AKAP9: variants seen among roughly 807,000 people sequenced by gnomAD.
The protein encoded by AKAP9 is A-kinase anchor protein 9.
Under a neutral mutation model 488.5 loss-of-function variants are expected in AKAP9, and 311 were observed. The ratio of observed to expected loss-of-function variants is 0.64; its 90% CI spans 0.58 to 0.70. The LOEUF (loss-of-function observed/expected upper bound fraction) is 0.70. Among genes scored for constraint, AKAP9 ranks in the 30% least tolerant of loss-of-function variants. AKAP9 has a pLI of 0.00. For missense variants in AKAP9, 4,215 were observed against 4,374.5 expected (o/e 0.96, Z 1.03); for synonymous variants, 1,462 against 1,483.5 (o/e 0.99, Z 0.33).
rs144184537 is a variant in AKAP9 at position 92,089,575 on chromosome 7, G to T, written c.9358+46G>T. ...ATATGGTTACACAAACAGGTGAAAA[G>T]ATTTCACTTTGTTTTCTTTCTTATT... is the stretch of plus-strand genomic sequence containing the variant. On this transcript the variant is annotated intron_variant, in intron 38 of 49. Coordinates refer to ENST00000356239, the MANE Select transcript of AKAP9 (RefSeq NM_005751.5). 27 of 1,588,812 alleles carry T rather than the reference G, an allele frequency of 1.7e-5. 2 individuals carry two copies. In the African/African-American group the frequency reaches 2.2e-4, roughly 13 times the overall value.
At chr7:92,082,898 G>T (rs1232896167) in intron 32 of AKAP9, among the ~76,000 whole-genome samples, 1 of 152,108 alleles carries the variant, frequency 6.6e-6, no homozygotes, top group Non-Finnish European at 1.5e-5. Flanking sequence ...TGTTAATGAA[G>T]GAGTAGAAAG....
At position 92,080,015 on chromosome 7, in the gene AKAP9, C is replaced by A; in HGVS notation, c.7882C>A (p.Gln2628Lys). The change falls in exon 31 of 50, where the codon CAA becomes AAA. Residue 2628 changes from glutamine to lysine, a missense_variant. By Grantham distance (53) the Gln-to-Lys change is moderately conservative (BLOSUM62 1). Transcript: ENST00000356239. ...TACTAGTTTGATTTTAGAAAAAGAA[C>A]AAGTAGAAATTGCAGAAAAAAATGT... ...MHTSLILEKE[Q>K]VEIAEKNVLE... is the part of the protein sequence containing the mutation. 6.4e-7 allele frequency: 1 copy of A among 1,559,582 alleles called. No individual in the cohort carries two copies. Among genetic ancestry groups the A allele is most frequent in the African/African-American group, 1.4e-5 (1 of 71,900 alleles).
In AKAP9 at chr7:92,062,374, A is replaced by C. The variant is rs751103441; in HGVS notation, c.5865A>C (p.Ala1955=). 6.2e-7 allele frequency: 1 copy of C among 1,613,978 alleles called. No homozygotes were observed. Among genetic ancestry groups the C allele is most frequent in the Admixed American group, 1.7e-5 (1 of 60,006 alleles). Residue 1955 remains alanine (A), a synonymous_variant, in exon 24 of 50, where the codon GCA becomes GCC. Coordinates refer to ENST00000356239, the MANE Select transcript of AKAP9 (RefSeq NM_005751.5). ...IDRLEQELLC[A]SNRLQELEAE... ...GTCTTGAGCAGGAGTTGTTATGTGC[A>C]AGTAACAGGTTGCAAGAATTGGAGG... is the stretch of plus-strand genomic sequence containing the variant.
intron 7 of AKAP9, among the ~76,000 whole-genome samples, chr7:91,998,588 C>T (rs987230704): frequency 1.3e-5 from 2 of 151,778 alleles, no homozygotes; most frequent in African/African-American, 4.8e-5. Flanking sequence ...AGGTGTTGGA[C>T]AATTTTGAAT....
intron 49 of AKAP9, chr7:92,109,049 G>GA (rs36114838): frequency 0.037 from 6,492 of 175,346 alleles, 48 homozygotes; most frequent in African/African-American, 0.071. Flanking sequence ...CTGTCTCAAA[G>GA]AAAAAAAAAA....
intron 4 of AKAP9, 147 bp downstream of exon 4, chr7:91,992,358 C>G (rs1797856169): frequency 4.1e-6 from 3 of 734,470 alleles, no homozygotes; most frequent in South Asian, 3.2e-5. Flanking sequence ...AGTTATCTAC[C>G]ATTTATTATA....
At position 92,096,724 on chromosome 7, in the gene AKAP9, G is replaced by T. The variant is rs1417887231; in HGVS notation, c.9765G>T (p.Arg3255Ser). 1.2e-6 allele frequency: 2 copies of T among 1,614,000 alleles called. No individual in the cohort carries two copies. Among genetic ancestry groups the T allele is most frequent in the Non-Finnish European group, 8.5e-7 (1 of 1,180,000 alleles). ...LKFSLESQKQ[R>S]NLQLNLLLEQ... is the part of the protein sequence containing the mutation. ...TTTCACTTGAGAGTCAGAAACAAAG[G>T]AATCTTCAGCTAAATCTACTTTTGG... is the stretch of plus-strand genomic sequence containing the variant. The change falls in exon 41 of 50, where the codon AGG (arginine) becomes AGT (serine). Residue 3255 changes from arginine to serine, a missense_variant. This residue lies in a region of AKAP9 where 1,476 missense variants were observed against 1,477.4 expected (regional missense o/e 1.00). Transcript: ENST00000356239.
At chr7:92,091,585 CAAAAAAAAAAAACA>C (rs1474807887) in intron 38 of AKAP9, among the ~76,000 whole-genome samples, 5 of 22,084 alleles carry the variant, frequency 2.3e-4, no homozygotes, top group Non-Finnish European at 4.8e-4. Flanking sequence ...GACTCTGTCT[CAAAAAAAAAAAACA>C]AAAAAAAAAA....
chr7:92,021,600 G>A (rs1156570383), intron 12 of AKAP9, among the ~76,000 whole-genome samples: 4 of 151,890 alleles, frequency 2.6e-5, no homozygotes, highest in Admixed American at 2.6e-4. Context: ...CACCACACCT[G>A]GCTAATTTTT....
chr7:92,098,399 G>A (rs1471989576), intron 43 of AKAP9, among the ~76,000 whole-genome samples, 185 bp downstream of exon 43: 2 of 151,992 alleles, frequency 1.3e-5, no homozygotes, highest in Non-Finnish European at 2.9e-5. Context: ...AAGCTTAGGG[G>A]GGGAATTAGC....
chr7:92,104,485 C>T (rs1273108248), intron 46 of AKAP9, among the ~76,000 whole-genome samples: 2 of 152,252 alleles, frequency 1.3e-5, no homozygotes, highest in East Asian at 1.9e-4. Flanking sequence ...GCCACTGCAC[C>T]GGCCTATTTT....
rs887429340 is a variant in AKAP9 at position 91,982,764 on chromosome 7, C to T, written c.351+2431C>T. On this transcript the variant is annotated intron_variant, in intron 3 of 49. Transcript: ENST00000356239. ...TAGTTCTAGATCCTTGAGGAATTGT[C>T]ACACTGTCTTCCACAATGGTTGAAC... 5.3e-5 allele frequency among the ~76,000 whole-genome samples: 8 copies of T among 152,250 alleles called. No individual in the cohort carries two copies. The South Asian group carries it at 1.7e-3, about 32-fold the overall frequency.
intron 1 of AKAP9, among the ~76,000 whole-genome samples, chr7:91,967,024 A>AT (rs1418813443): frequency 1.3e-5 from 2 of 151,762 alleles, no homozygotes; most frequent in Non-Finnish European, 2.9e-5. Context: ...CCTTGTATAG[A>AT]TTTTTTACTT....
chr7:91,965,840 A>C (rs1407569838), intron 1 of AKAP9, among the ~76,000 whole-genome samples: 1 of 152,150 alleles, frequency 6.6e-6, no homozygotes, highest in Non-Finnish European at 1.5e-5. Flanking sequence ...CTCTTAAGAA[A>C]TGTCTGTTCA....
chr7:92,070,854 TA>T (rs962661428), intron 27 of AKAP9, 50 bp from the exon 28 acceptor site: 24 of 1,171,526 alleles, frequency 2.0e-5, no homozygotes, highest in Non-Finnish European at 2.4e-5. Context: ...AAAAACTGGA[TA>T]ATCAGGATTT....
At chr7:92,000,514 T>C (rs1799019865) in intron 7 of AKAP9, among the ~76,000 whole-genome samples, 1 of 152,220 alleles carries the variant, frequency 6.6e-6, no homozygotes, top group Non-Finnish European at 1.5e-5. Flanking sequence ...TTTAGAATGT[T>C]GATCAGTTAA....
intron 7 of AKAP9, among the ~76,000 whole-genome samples, chr7:91,998,330 C>T (rs1798668384): frequency 2.0e-5 from 3 of 151,130 alleles, no homozygotes; most frequent in South Asian, 4.2e-4. Context: ...TTGTCCTAAT[C>T]CTCCAAACTT....
In AKAP9 at chr7:92,070,887, A is replaced by T. The variant is rs1203101696; in HGVS notation, c.6508-18A>T. On this transcript the variant is annotated intron_variant, in intron 27 of 49. Coordinates refer to ENST00000356239, the MANE Select transcript of AKAP9 (RefSeq NM_005751.5). ...ATTTAATTTATCAAATTTTGAGAAA[A>T]TTTTTATATATTTAAAGGTAGAGGA... is the stretch of plus-strand genomic sequence containing the variant. 3.2e-6 allele frequency: 5 copies of T among 1,562,126 alleles called. No individual in the cohort carries two copies. Among genetic ancestry groups the T allele is most frequent in the African/African-American group, 2.7e-5 (2 of 72,824 alleles).
intron 36 of AKAP9, 91 bp from the exon 37 acceptor site, chr7:92,086,137 T>C: frequency 1.8e-6 from 2 of 1,094,978 alleles, no homozygotes; most frequent in Non-Finnish European, 2.7e-6. Flanking sequence ...TCCTAGGCTT[T>C]TAATTATTTT....
Sources: allele counts gnomAD v4.1 joint callset (sites outside exome capture counted in the v4.1 genomes callset), GRCh38; gene constraint gnomAD v4.1.1; regional missense constraint gnomAD v4.1.1; transcripts MANE v1.5; gene names NCBI Gene and HGNC (gene_info 2026-07-23, HGNC 2026-07-21).